The following ZNF267 variants were observed in gnomAD, a reference collection of about 807,000 sequenced individuals.
The protein encoded by ZNF267 is zinc finger (C2H2).
A neutral mutation model predicts 71.6 loss-of-function variants in ZNF267; 61 were observed. The ratio of observed to expected loss-of-function variants is 0.85; its 90% CI spans 0.69 to 1.05. The LOEUF is 1.05. Ranked by LOEUF, ZNF267 falls within the 50% of genes least tolerant of loss-of-function variation. ZNF267 has a pLI of 0.00. For synonymous variants in ZNF267, 288 were observed against 293.2 expected, an observed-to-expected ratio of 0.98 and a Z score of 0.18; for missense variants, 852 against 870.0, an observed-to-expected ratio of 0.98 and a Z score of 0.26.
chr16:31,892,527 C>A (rs1008015451), intron 3 of ZNF267, among the ~76,000 whole-genome samples: 1 of 152,204 alleles, frequency 6.6e-6, no homozygotes, highest in African/African-American at 2.4e-5. Context: ...CAAATGTCCA[C>A]AGTCCAGAGT....
At chr16:31,914,305 G>A (rs776062805) in intron 3 of ZNF267, 171 bp from the exon 4 acceptor site, 24 of 590,638 alleles carry the variant, frequency 4.1e-5, no homozygotes, top group East Asian at 1.5e-4. Context: ...AGTAGTTCAC[G>A]TGCCACTTTA....
chr16:31,894,627 A>T (rs1206421070), intron 3 of ZNF267: 1 of 486,070 alleles, frequency 2.1e-6, no homozygotes, highest in African/African-American at 2.0e-5. Flanking sequence ...TCAGCACTTC[A>T]GCTTCGCTGG....
intron 1 of ZNF267, among the ~76,000 whole-genome samples, chr16:31,875,590 CAA>C (rs1439844560): frequency 1.3e-5 from 2 of 152,162 alleles, no homozygotes; most frequent in Non-Finnish European, 2.9e-5. Flanking sequence ...TGAGGTGGTG[CAA>C]ACTCGGCTGC....
intron 3 of ZNF267, among the ~76,000 whole-genome samples, chr16:31,887,222 G>A (rs2083930026): frequency 6.7e-6 from 1 of 149,846 alleles, no homozygotes; most frequent in Non-Finnish European, 1.5e-5. Context: ...ATGTCTACTT[G>A]AGTCCTTTGC....
At chr16:31,897,695 A>C (rs2084010423) in intron 3 of ZNF267, among the ~76,000 whole-genome samples, 1 of 152,138 alleles carries the variant, frequency 6.6e-6, no homozygotes, top group Non-Finnish European at 1.5e-5. Flanking sequence ...TAGTATTGAC[A>C]TCTTAAGAAT....
Position 31,917,078 on chromosome 16 carries a change from T to G in ZNF267, c.*597T>G, listed in dbSNP as rs2084184539. 6.6e-6 allele frequency: 1 copy of G among 152,394 alleles called. No homozygotes were observed. Among genetic ancestry groups the G allele is most frequent in the Non-Finnish European group, 1.5e-5 (1 of 68,174 alleles). 9.4% of individuals were successfully genotyped at this position (152,394 alleles called of 1,614,324 possible). On this transcript the variant is annotated 3_prime_UTR_variant, in exon 4 of 4. Coordinates refer to ENST00000300870, the MANE Select transcript of ZNF267 (RefSeq NM_003414.6). Reference sequence around the variant, plus strand: ...GAGGTTTTTGGAAAGCAAATATTATTTATATAATTCAGCTTTCAAATCTGT... The same window carrying G: ...GAGGTTTTTGGAAAGCAAATATTATGTATATAATTCAGCTTTCAAATCTGT...
intron 3 of ZNF267, among the ~76,000 whole-genome samples, chr16:31,892,324 C>G (rs1414919881): frequency 6.6e-6 from 1 of 152,100 alleles, no homozygotes; most frequent in Non-Finnish European, 1.5e-5. Context: ...AAGACCTGCC[C>G]CCATGATTCA....
At chr16:31,893,079 C>G (rs755488679) in intron 3 of ZNF267, among the ~76,000 whole-genome samples, 9 of 152,258 alleles carry the variant, frequency 5.9e-5, no homozygotes, top group Non-Finnish European at 1.2e-4. Context: ...CCTGGGCATC[C>G]AGGCATTTCT....
chr16:31,909,455 C>A (rs988754863), intron 3 of ZNF267, among the ~76,000 whole-genome samples: 3 of 152,012 alleles, frequency 2.0e-5, no homozygotes, highest in Non-Finnish European at 4.4e-5. Context: ...GTCTTTCATT[C>A]ATGTTTTATA....
chr16:31,894,891 A>G, intron 3 of ZNF267: 1 of 387,810 alleles, frequency 2.6e-6, no homozygotes. Flanking sequence ...TTCATGACCA[A>G]CCTCGTGTGA....
intron 3 of ZNF267, among the ~76,000 whole-genome samples, chr16:31,885,675 A>C (rs1157638631): frequency 1.3e-5 from 2 of 152,234 alleles, no homozygotes; most frequent in South Asian, 2.1e-4. Flanking sequence ...CAGAAGTCTC[A>C]GGAATTCTGT....
At chr16:31,887,345 C>T (rs546268014) in intron 3 of ZNF267, among the ~76,000 whole-genome samples, 77 of 151,090 alleles carry the variant, frequency 5.1e-4, no homozygotes, top group African/African-American at 1.8e-3. Flanking sequence ...GTCCCTGGGT[C>T]GCTTTTTCAT....
intron 3 of ZNF267, among the ~76,000 whole-genome samples, chr16:31,887,006 C>T (rs1216895631): frequency 2.0e-5 from 3 of 152,102 alleles, no homozygotes; most frequent in African/African-American, 7.2e-5. Context: ...TTCTTTTCTC[C>T]ACACTCTGAC....
chr16:31,885,055 A>G (rs2083914432), intron 2 of ZNF267, 106 bp from the exon 3 acceptor site: 2 of 826,548 alleles, frequency 2.4e-6, no homozygotes, highest in East Asian at 2.8e-5. Flanking sequence ...TGAGCACAGT[A>G]CTAAGTTAGA....
At chr16:31,875,205 C>T in intron 1 of ZNF267, 1 of 1,289,194 alleles carries the variant, frequency 7.8e-7, no homozygotes. Context: ...AATTTCAGAA[C>T]TGTCTGGGAT....
chr16:31,895,286 A>G (rs150637329), intron 3 of ZNF267, among the ~76,000 whole-genome samples: 77 of 152,338 alleles, frequency 5.1e-4, no homozygotes, highest in African/African-American at 1.9e-3. Context: ...GTTGTTTCAA[A>G]TGACAGGATT....
chr16:31,884,524 C>G lies in ZNF267; in HGVS notation c.30C>G (p.Ala10=), dbSNP rs199877216. 2.5e-6 allele frequency: 4 copies of G among 1,613,996 alleles called. No individual in the cohort carries two copies. The highest frequency in any genetic ancestry group is 4.5e-5 in the East Asian group (2 of 44,854). Residue 10 remains alanine, a synonymous_variant, in exon 2 of 4, where the codon GCC becomes GCG. Transcript: ENST00000300870. The part of the protein sequence containing the change: MGLLTFRDV[A]VEFSLEEWEH... The stretch of plus-strand genomic sequence containing the variant: ...GACTGTTGACATTCAGGGATGTGGC[C>G]GTAGAATTCTCTTTGGAGGAGTGGG...
At chr16:31,914,350 C>A in intron 3 of ZNF267, 126 bp from the exon 4 acceptor site, 1 of 821,024 alleles carries the variant, frequency 1.2e-6, no homozygotes, top group Non-Finnish European at 1.8e-6. Context: ...TGAGAAAACA[C>A]GGCCTCAGGT....
chr16:31,899,997 T>C (rs1236144531), intron 3 of ZNF267, among the ~76,000 whole-genome samples: 9 of 150,892 alleles, frequency 6.0e-5, no homozygotes, highest in Admixed American at 2.6e-4. Context: ...CATATATATA[T>C]ACACACACAC....
Sources: gnomAD v4.1 joint callset for allele counts (sites outside exome capture counted in the v4.1 genomes callset) on GRCh38, gnomAD v4.1.1 for gene constraint, MANE v1.5 for transcripts, NCBI Gene and HGNC (gene_info 2026-07-23, HGNC 2026-07-21) for gene names.